Variants in YEATS2 observed in about 807,000 individuals in gnomAD.
YEATS2 encodes the protein YEATS domain containing 2.
In YEATS2, 77 loss-of-function variants were observed where a neutral mutation model predicts 163.2. The ratio of observed to expected loss-of-function variants is 0.47; its 90% CI spans 0.39 to 0.57. The LOEUF (loss-of-function observed/expected upper bound fraction) is 0.57. Ranked by LOEUF, YEATS2 falls within the 20% of genes least tolerant of loss-of-function variation. YEATS2 has a pLI of 0.00. For missense variants in YEATS2, 1,549 were observed against 1,729.8 expected, an observed-to-expected ratio of 0.90 and a Z score of 1.85; for synonymous variants, 631 against 645.1, an observed-to-expected ratio of 0.98 and a Z score of 0.33.
Position 183,728,694 on chromosome 3 carries a change from A to G in YEATS2, c.655A>G (p.Ile219Val), listed in dbSNP as rs748289027. 3.7e-6 allele frequency: 6 copies of G among 1,604,512 alleles called. No homozygotes were observed. Among genetic ancestry groups the G allele is most frequent in the East Asian group, 2.2e-5 (1 of 44,776 alleles). The change falls in exon 7 of 31, where the codon ATA (isoleucine) becomes GTA (valine). Residue 219 changes from isoleucine to valine, a missense_variant. Transcript: ENST00000305135. ...TTCTTTTTTCTTCTTCTCTAGGTATATACCTCCGGATAAGAGGGAAGAAAA... is the reference window on the plus strand; with the variant it reads ...TTCTTTTTTCTTCTTCTCTAGGTATGTACCTCCGGATAAGAGGGAAGAAAA... ...TIVVGNVSKY[I>V]PPDKREENDQ...
At chr3:183,743,006 G>T (rs1000077461) in intron 8 of YEATS2, among the ~76,000 whole-genome samples, 5 of 152,160 alleles carry the variant, frequency 3.3e-5, no homozygotes, top group Non-Finnish European at 7.4e-5. Context: ...AGATTATTTT[G>T]TTAAACATAA....
chr3:183,698,087 C>T (rs969444495), intron 1 of YEATS2, 94 bp downstream of exon 1: 3 of 152,102 alleles, frequency 2.0e-5, no homozygotes, highest in African/African-American at 7.2e-5. Context: ...CACGTGCGCG[C>T]CCCTCCCCCA....
chr3:183,718,286 A>C (rs1412576905), intron 3 of YEATS2, among the ~76,000 whole-genome samples: 2 of 152,250 alleles, frequency 1.3e-5, no homozygotes, highest in Non-Finnish European at 2.9e-5. Flanking sequence ...ATATACACAT[A>C]AATGTACATA....
chr3:183,753,789 T>C (rs1165750626), intron 10 of YEATS2, among the ~76,000 whole-genome samples: 1 of 152,200 alleles, frequency 6.6e-6, no homozygotes, highest in Non-Finnish European at 1.5e-5. Context: ...TCATTAGATT[T>C]AGTGAATGCT....
chr3:183,720,557 T>C (rs1196541963), intron 4 of YEATS2, among the ~76,000 whole-genome samples: 2 of 152,120 alleles, frequency 1.3e-5, no homozygotes, highest in Non-Finnish European at 2.9e-5. Flanking sequence ...CACCTGGTAT[T>C]GGTGCTGCTC....
chr3:183,781,521 T>A (rs1270265987), intron 19 of YEATS2, among the ~76,000 whole-genome samples: 2 of 152,160 alleles, frequency 1.3e-5, no homozygotes, highest in African/African-American at 2.4e-5. Context: ...TTTTACCAGG[T>A]ATCTGGGCAT....
intron 30 of YEATS2, chr3:183,809,562 C>G (rs1445280914): frequency 6.4e-6 from 1 of 156,972 alleles, no homozygotes; most frequent in African/African-American, 2.4e-5. Flanking sequence ...TTTTAAAAAT[C>G]AGGAAACCGG....
intron 8 of YEATS2, among the ~76,000 whole-genome samples, chr3:183,738,295 A>T (rs1718561338): frequency 6.6e-6 from 1 of 151,926 alleles, no homozygotes; most frequent in African/African-American, 2.4e-5. Flanking sequence ...GCTAGAAAGG[A>T]TTAAGCTTAG....
intron 20 of YEATS2, among the ~76,000 whole-genome samples, chr3:183,789,594 G>A (rs1724406615): frequency 7.6e-6 from 1 of 131,194 alleles, no homozygotes; most frequent in South Asian, 2.5e-4. Flanking sequence ...GGAGTGCAGT[G>A]GCGCGATCTC....
At chr3:183,772,607 T>A in intron 16 of YEATS2, 44 bp downstream of exon 16, 1 of 1,604,084 alleles carries the variant, frequency 6.2e-7, no homozygotes, top group East Asian at 2.2e-5. Flanking sequence ...AGAAGCTCTG[T>A]CCAAAATTTC....
chr3:183,721,813 GT>G (rs1296888471), intron 4 of YEATS2, 77 bp from the exon 5 acceptor site: 12 of 1,558,898 alleles, frequency 7.7e-6, no homozygotes, highest in Non-Finnish European at 1.0e-5. Flanking sequence ...AATAGATAAG[GT>G]TTTGGAGAGA....
chr3:183,746,819 A>C (rs1043047740), intron 8 of YEATS2, among the ~76,000 whole-genome samples: 14 of 152,110 alleles, frequency 9.2e-5, no homozygotes, highest in African/African-American at 3.1e-4. Context: ...GTTGGCTGCT[A>C]AGAAACTCAG....
chr3:183,755,972 A>G (rs943946705), intron 11 of YEATS2, among the ~76,000 whole-genome samples: 3 of 151,526 alleles, frequency 2.0e-5, no homozygotes, highest in Non-Finnish European at 2.9e-5. Context: ...TCTCGAACTC[A>G]CAACCTCAGG....
rs1446031000 is a variant in YEATS2, at chr3:183,775,111, G to A, written c.2369-804G>A. 2.6e-5 allele frequency among the ~76,000 whole-genome samples: 4 copies of A among 152,282 alleles called. No homozygotes were observed. In the East Asian group the frequency reaches 5.8e-4, roughly 22 times the overall value. ...TAAAAAGACTTCAAGGCTTTGAAGT[G>A]GGATTTGAAAGGCAAAGAAGAATGG... On this transcript the variant is annotated intron_variant, in intron 17 of 30. Coordinates refer to ENST00000305135, the MANE Select transcript of YEATS2 (RefSeq NM_018023.5).
At chr3:183,724,598 A>AGG in intron 6 of YEATS2, 67 bp downstream of exon 6, 1 of 1,120,412 alleles carries the variant, frequency 8.9e-7, no homozygotes, top group Non-Finnish European at 1.3e-6. Flanking sequence ...TAATACTCTT[A>AGG]CAGTGTTACA....
chr3:183,783,241 C>T (rs1368079471), intron 19 of YEATS2, among the ~76,000 whole-genome samples: 1 of 152,174 alleles, frequency 6.6e-6, no homozygotes, highest in South Asian at 2.1e-4. Context: ...AAGATATGTA[C>T]AAGTGCTTTC....
At chr3:183,723,196 C>T (rs1005471537) in intron 5 of YEATS2, among the ~76,000 whole-genome samples, 4 of 152,186 alleles carry the variant, frequency 2.6e-5, no homozygotes, top group Non-Finnish European at 5.9e-5. Flanking sequence ...GACAAATAAA[C>T]AGAATTGAAA....
intron 1 of YEATS2, among the ~76,000 whole-genome samples, chr3:183,700,770 C>CAAA (rs774835127): frequency 4.0e-4 from 15 of 37,660 alleles, no homozygotes; most frequent in African/African-American, 5.0e-4. Flanking sequence ...GACTTCGTCT[C>CAAA]AAAAAAAAAA....
At chr3:183,716,888 T>C (rs906636269) in intron 2 of YEATS2, among the ~76,000 whole-genome samples, 2 of 151,778 alleles carry the variant, frequency 1.3e-5, no homozygotes, top group Non-Finnish European at 2.9e-5. Context: ...TCTTTGCATA[T>C]GTTATTTTGT....
Sources: gnomAD v4.1 joint callset for allele counts (sites outside exome capture counted in the v4.1 genomes callset) on GRCh38, gnomAD v4.1.1 for gene constraint, MANE v1.5 for transcripts, NCBI Gene and HGNC (gene_info 2026-07-23, HGNC 2026-07-21) for gene names.